The following RSU1 variants were observed in gnomAD, a reference collection of about 807,000 sequenced individuals.
The protein encoded by RSU1 is Ras suppressor protein 1.
A neutral mutation model predicts 31.1 loss-of-function variants in RSU1; 26 were observed. That is an observed-to-expected ratio of 0.84 (90% CI 0.61 to 1.16). The LOEUF (loss-of-function observed/expected upper bound fraction) is 1.16, where lower values mean the gene tolerates loss of function less well. Among genes scored for constraint, RSU1 ranks in the 50% most tolerant of loss-of-function variants. The probability of loss-of-function intolerance (pLI) is 0.00; values close to 1 mark genes in which losing one functional copy is unlikely to be tolerated. For missense variants in RSU1, 320 were observed against 339.1 expected, an observed-to-expected ratio of 0.94 and a Z score of 0.44; for synonymous variants, 164 against 136.3, an observed-to-expected ratio of 1.20 and a Z score of -1.41.
At chr10:16,696,590 G>A (rs1198418462) in intron 7 of RSU1, among the ~76,000 whole-genome samples, 1 of 152,204 alleles carries the variant, frequency 6.6e-6, no homozygotes, top group Non-Finnish European at 1.5e-5. Flanking sequence ...CTAAGAATTT[G>A]TTGGCGCTTG....
chr10:16,675,992 A>G (rs1835223076), intron 8 of RSU1, among the ~76,000 whole-genome samples: 1 of 152,210 alleles, frequency 6.6e-6, no homozygotes, highest in Non-Finnish European at 1.5e-5. Flanking sequence ...AAAGCTTGGT[A>G]AAGACTGTCC....
At chr10:16,638,929 A>G (rs763697883) in intron 8 of RSU1, among the ~76,000 whole-genome samples, 9 of 152,260 alleles carry the variant, frequency 5.9e-5, no homozygotes, top group Non-Finnish European at 1.3e-4. Context: ...CCTGTGTTTT[A>G]AATGACTTTG....
chr10:16,728,106 T>G (rs1328734956), intron 7 of RSU1, among the ~76,000 whole-genome samples: 2 of 152,198 alleles, frequency 1.3e-5, no homozygotes, highest in African/African-American at 4.8e-5. Flanking sequence ...TGCAAGAGAT[T>G]TGGGTGGTTG....
At chr10:16,807,094 A>G (rs1025469646) in intron 2 of RSU1, among the ~76,000 whole-genome samples, 2 of 152,230 alleles carry the variant, frequency 1.3e-5, no homozygotes, top group African/African-American at 4.8e-5. Flanking sequence ...AGCCTCACTT[A>G]CAGCTGTTAA....
intron 8 of RSU1, among the ~76,000 whole-genome samples, chr10:16,680,416 CTTGCG>C (rs1203962143): frequency 5.3e-5 from 8 of 152,100 alleles, no homozygotes; most frequent in Admixed American, 4.6e-4. Flanking sequence ...TTAGTTCATT[CTTGCG>C]TTGCTATAAA....
In RSU1 at chr10:16,758,690, G is replaced by A. The variant is rs575672015; in HGVS notation, c.282-3701C>T. ...CCAACACCCAATCCATGGCTCACACGTGGCTTCTCAGGGAATGAGAGCTGT... is the reference window on the plus strand; with the variant it reads ...CCAACACCCAATCCATGGCTCACACATGGCTTCTCAGGGAATGAGAGCTGT... On this transcript the variant is annotated intron_variant, in intron 4 of 8. Coordinates refer to ENST00000345264, the MANE Select transcript of RSU1 (RefSeq NM_012425.4). Among the ~76,000 whole-genome samples, 35 of 152,294 alleles carry A rather than the reference G, an allele frequency of 2.3e-4. 1 individual carries two copies. In the South Asian group the frequency reaches 7.1e-3, roughly 31 times the overall value.
intron 7 of RSU1, among the ~76,000 whole-genome samples, chr10:16,729,589 C>T (rs1296284996): frequency 4.6e-5 from 7 of 152,288 alleles, no homozygotes; most frequent in African/African-American, 1.7e-4. Flanking sequence ...CTTGTAACCA[C>T]AAAGGCATGA....
Position 16,804,277 on chromosome 10 carries a change from A to T in RSU1, c.109+12696T>A, listed in dbSNP as rs148978611. Among the ~76,000 whole-genome samples the T allele has an allele frequency of 1.4e-4, 22 of 152,362 alleles. No homozygotes were observed. The East Asian group carries it at 4.0e-3, about 28-fold the overall frequency. ...TGGAAACAATGAGATACCACTGCAT[A>T]CCCACTAAAATGGCTAAAATCCAAA... On this transcript the variant is annotated intron_variant, in intron 2 of 8. Transcript: ENST00000345264.
At chr10:16,745,130 G>C (rs373208240) in intron 7 of RSU1, among the ~76,000 whole-genome samples, 1 of 152,144 alleles carries the variant, frequency 6.6e-6, no homozygotes, top group African/African-American at 2.4e-5. Context: ...GAAGAGCCCA[G>C]GTTTCAGAAA....
intron 7 of RSU1, among the ~76,000 whole-genome samples, chr10:16,712,984 C>G (rs1010057517): frequency 7.2e-5 from 11 of 152,176 alleles, no homozygotes; most frequent in African/African-American, 2.7e-4. Context: ...TCTTGGCTGA[C>G]AGTTCCTCCT....
At chr10:16,642,751 C>T (rs1448111148) in intron 8 of RSU1, among the ~76,000 whole-genome samples, 1 of 152,186 alleles carries the variant, frequency 6.6e-6, no homozygotes, top group Non-Finnish European at 1.5e-5. Context: ...ACCACCGCAT[C>T]AAACAAAATC....
chr10:16,604,356 G>A (rs1051777903), intron 8 of RSU1, among the ~76,000 whole-genome samples: 3 of 152,182 alleles, frequency 2.0e-5, no homozygotes, highest in Admixed American at 6.5e-5. Flanking sequence ...GCCCATCAGA[G>A]TCAGCACTGA....
At chr10:16,673,352 A>G (rs1835155339) in intron 8 of RSU1, among the ~76,000 whole-genome samples, 1 of 152,194 alleles carries the variant, frequency 6.6e-6, no homozygotes, top group Non-Finnish European at 1.5e-5. Flanking sequence ...AGCAGCTACA[A>G]ATTTTTCTTT....
At chr10:16,674,975 G>A (rs1222159510) in intron 8 of RSU1, among the ~76,000 whole-genome samples, 1 of 152,138 alleles carries the variant, frequency 6.6e-6, no homozygotes, top group Admixed American at 6.5e-5. Flanking sequence ...GGAGGTTGCA[G>A]TGAGCCAAGA....
intron 8 of RSU1, among the ~76,000 whole-genome samples, chr10:16,662,353 C>T (rs1423222216): frequency 1.3e-5 from 2 of 152,166 alleles, no homozygotes; most frequent in Admixed American, 1.3e-4. Flanking sequence ...ATCAAAAAAT[C>T]ATAAATCCTT....
At chr10:16,667,342 T>C (rs1473630194) in intron 8 of RSU1, among the ~76,000 whole-genome samples, 2 of 152,210 alleles carry the variant, frequency 1.3e-5, no homozygotes, top group Non-Finnish European at 2.9e-5. Flanking sequence ...TTTATTACAA[T>C]TAACCTCCTT....
chr10:16,661,229 CCT>C (rs1554764446), intron 8 of RSU1, among the ~76,000 whole-genome samples: 2 of 148,638 alleles, frequency 1.3e-5, no homozygotes, highest in Non-Finnish European at 3.0e-5. Flanking sequence ...TATGTTATTC[CCT>C]GTTTGGTAAT....
chr10:16,649,273 A>C (rs1834635434), intron 8 of RSU1, among the ~76,000 whole-genome samples: 1 of 152,228 alleles, frequency 6.6e-6, no homozygotes, highest in Admixed American at 6.5e-5. Context: ...AAAACGAGGA[A>C]TTAAATCAGT....
At chr10:16,755,468 G>A (rs1163010684) in intron 4 of RSU1, among the ~76,000 whole-genome samples, 1 of 150,766 alleles carries the variant, frequency 6.6e-6, no homozygotes, top group African/African-American at 2.4e-5. Context: ...TATTTACAAT[G>A]ACAAAGATTG....
Sources: gnomAD v4.1 joint callset for allele counts (sites outside exome capture counted in the v4.1 genomes callset) on GRCh38, gnomAD v4.1.1 for gene constraint, MANE v1.5 for transcripts, NCBI Gene and HGNC (gene_info 2026-07-23, HGNC 2026-07-21) for gene names.